The following DLG1 variants were observed in gnomAD, a reference collection of about 807,000 sequenced individuals.
DLG1 encodes the protein discs large MAGUK scaffold protein 1.
In DLG1, 42 loss-of-function variants were observed where a neutral mutation model predicts 123.4. The observed-to-expected ratio is 0.34, with a 90% CI of 0.27 to 0.44. The LOEUF (loss-of-function observed/expected upper bound fraction) is 0.44. DLG1 is among the 20% of genes least tolerant of loss of function. The pLI is 1.00. For missense variants in DLG1, 942 were observed against 1,082.6 expected (o/e 0.87, Z 1.82); for synonymous variants, 317 against 356.2 (o/e 0.89, Z 1.24).
intron 4 of DLG1, among the ~76,000 whole-genome samples, chr3:197,242,345 A>C (rs1223028520): frequency 6.6e-6 from 1 of 152,118 alleles, no homozygotes; most frequent in Non-Finnish European, 1.5e-5. Context: ...ATAGTAGGAG[A>C]CTTTAATACC....
intron 5 of DLG1, among the ~76,000 whole-genome samples, chr3:197,188,164 C>G (rs1717197473): frequency 1.3e-5 from 2 of 152,150 alleles, no homozygotes; most frequent in Admixed American, 6.6e-5. Flanking sequence ...AACATGCACC[C>G]TAAGTATCAG....
intron 22 of DLG1, among the ~76,000 whole-genome samples, chr3:197,062,546 A>G (rs1736586923): frequency 6.6e-6 from 1 of 152,196 alleles, no homozygotes; most frequent in African/African-American, 2.4e-5. Context: ...GGGGGACCCT[A>G]CAGCTTGGTT....
intron 5 of DLG1, among the ~76,000 whole-genome samples, chr3:197,161,094 T>TTTAC (rs1160715904): frequency 1.3e-5 from 2 of 152,154 alleles, no homozygotes; most frequent in Admixed American, 6.5e-5. Context: ...AAAGTAAAAT[T>TTTAC]TTACAACAGA....
chr3:197,066,291 C>T (rs188187035), intron 20 of DLG1, among the ~76,000 whole-genome samples: 1 of 151,760 alleles, frequency 6.6e-6, no homozygotes, highest in East Asian at 1.9e-4. Flanking sequence ...AGACTGAGAA[C>T]TAACATTGTG....
At chr3:197,238,500 C>T (rs1417612659) in intron 4 of DLG1, among the ~76,000 whole-genome samples, 2 of 152,178 alleles carry the variant, frequency 1.3e-5, no homozygotes, top group Middle Eastern at 3.4e-3. Context: ...ACTGAAAATA[C>T]AATAACACTA....
At chr3:197,195,479 G>GATACCC (rs1721987274) in intron 4 of DLG1, among the ~76,000 whole-genome samples, 1 of 152,014 alleles carries the variant, frequency 6.6e-6, no homozygotes, top group African/African-American at 2.4e-5. Flanking sequence ...AATCAACCAA[G>GATACCC]ATACCCACCA....
intron 24 of DLG1, among the ~76,000 whole-genome samples, chr3:197,046,241 T>C (rs890217619): frequency 6.6e-6 from 1 of 152,110 alleles, no homozygotes; most frequent in African/African-American, 2.4e-5. Flanking sequence ...GAGCATTTCA[T>C]AGTTTAGGTT....
At chr3:197,135,433 C>T (rs959965364) in intron 10 of DLG1, among the ~76,000 whole-genome samples, 1 of 152,206 alleles carries the variant, frequency 6.6e-6, no homozygotes, top group African/African-American at 2.4e-5. Context: ...CTCTCTCCTG[C>T]TGGCATGTGA....
intron 5 of DLG1, among the ~76,000 whole-genome samples, chr3:197,158,567 G>C (rs1348106590): frequency 1.3e-5 from 2 of 149,752 alleles, no homozygotes; most frequent in East Asian, 3.9e-4. Flanking sequence ...CCGGGAGGTG[G>C]AGGCTGTGGT....
chr3:197,116,011 T>A lies in DLG1; in HGVS notation c.1359A>T (p.Gly453=). The part of the protein sequence containing the change: ...LGFNIVGGED[G]EGIFISFILA... The stretch of plus-strand genomic sequence containing the variant: ...AGATAAAGGAAATAAATATTCCTTC[T>A]CCATCTTCTCCTCCTACAATGTTGA... The change falls in exon 13 of 25, where the codon GGA becomes GGT. Residue 453 remains glycine, a synonymous_variant. Transcript: ENST00000667157. The A allele has an allele frequency of 6.2e-7, 1 of 1,613,482 alleles. No individual in the cohort carries two copies. The highest frequency in any genetic ancestry group is 2.2e-5 in the East Asian group (1 of 44,788).
intron 23 of DLG1, among the ~76,000 whole-genome samples, chr3:197,054,964 C>T (rs974609983): frequency 2.0e-5 from 3 of 151,962 alleles, no homozygotes; most frequent in African/African-American, 4.8e-5. Context: ...TACAGATGCC[C>T]GCCACCACGC....
chr3:197,045,792 A>T (rs983914187), intron 24 of DLG1, among the ~76,000 whole-genome samples: 3 of 152,186 alleles, frequency 2.0e-5, no homozygotes, highest in Non-Finnish European at 2.9e-5. Context: ...TGAGAATTGC[A>T]AATTAAATAA....
chr3:197,161,922 T>C (rs1577297975), intron 5 of DLG1, among the ~76,000 whole-genome samples: 1 of 152,342 alleles, frequency 6.6e-6, no homozygotes, highest in Middle Eastern at 3.4e-3. Flanking sequence ...TAGAAAGTTA[T>C]ACCCCCATAA....
At chr3:197,205,365 T>A (rs1283395088) in intron 4 of DLG1, among the ~76,000 whole-genome samples, 1 of 151,960 alleles carries the variant, frequency 6.6e-6, no homozygotes, top group East Asian at 1.9e-4. Context: ...TAGAAACCAA[T>A]CTCACTTATG....
chr3:197,277,487 C>G (rs759981101), intron 4 of DLG1, among the ~76,000 whole-genome samples: 27 of 152,062 alleles, frequency 1.8e-4, no homozygotes, highest in Non-Finnish European at 3.2e-4. Flanking sequence ...ACCACAGGCA[C>G]GCACCACCAC....
chr3:197,091,033 GAAGA>G lies in DLG1; in HGVS notation c.1547-11_1547-8del. The G allele has an allele frequency of 6.5e-7, 1 of 1,537,074 alleles. No individual in the cohort carries two copies. The highest frequency in any genetic ancestry group is 2.3e-5 in the East Asian group (1 of 44,322). On this transcript the variant is annotated splice_region_variant and splice_polypyrimidine_tract_variant and intron_variant, in intron 14 of 24. Coordinates refer to ENST00000667157, the MANE Select transcript of DLG1 (RefSeq NM_001366207.1). The stretch of plus-strand genomic sequence containing the variant: ...GCTTCAAAACGACTGTATTCTGATG[GAAGA>G]AAAAGAGAAATAAATTGATATATTT...
intron 4 of DLG1, among the ~76,000 whole-genome samples, chr3:197,197,953 T>C (rs553693436): frequency 1.3e-5 from 2 of 152,300 alleles, no homozygotes; most frequent in African/African-American, 2.4e-5. Context: ...AATTAGATCC[T>C]TTCCTTACAC....
At chr3:197,124,889 C>T (rs1439176110) in intron 11 of DLG1, among the ~76,000 whole-genome samples, 1 of 152,092 alleles carries the variant, frequency 6.6e-6, no homozygotes, top group Non-Finnish European at 1.5e-5. Context: ...AGTATGTAAA[C>T]ATGTTCGTGT....
intron 11 of DLG1, among the ~76,000 whole-genome samples, chr3:197,123,522 A>G (rs1286575960): frequency 6.6e-6 from 1 of 152,262 alleles, no homozygotes; most frequent in Non-Finnish European, 1.5e-5. Flanking sequence ...AGGAACAACC[A>G]GCAATAAATG....
Sources: gnomAD v4.1 joint callset for allele counts (sites outside exome capture counted in the v4.1 genomes callset) on GRCh38, gnomAD v4.1.1 for gene constraint, MANE v1.5 for transcripts, NCBI Gene and HGNC (gene_info 2026-07-23, HGNC 2026-07-21) for gene names.